The following ARPC5L variants were observed in gnomAD, a reference collection of about 807,000 sequenced individuals.
ARPC5L encodes actin-related protein 2/3 complex subunit 5-like protein.
Under a neutral mutation model 16.9 loss-of-function variants are expected in ARPC5L, and 4 were observed. The observed-to-expected ratio is 0.24, with a 90% CI of 0.12 to 0.54. ARPC5L has a LOEUF of 0.54. Ranked by LOEUF, ARPC5L falls within the 20% of genes least tolerant of loss-of-function variation. The probability of loss-of-function intolerance (pLI) is 0.95; values close to 1 mark genes in which losing one functional copy is unlikely to be tolerated. For synonymous variants in ARPC5L, 78 were observed against 82.6 expected, an observed-to-expected ratio of 0.94 and a Z score of 0.30; for missense variants, 151 against 201.9, an observed-to-expected ratio of 0.75 and a Z score of 1.53.
At chr9:124,863,720 A>G (rs933185596) in intron 1 of ARPC5L, among the ~76,000 whole-genome samples, 9 of 152,252 alleles carry the variant, frequency 5.9e-5, no homozygotes, top group Admixed American at 5.2e-4. Flanking sequence ...GGGAATTCAC[A>G]AGGCAGGGCA....
intron 1 of ARPC5L, among the ~76,000 whole-genome samples, chr9:124,862,961 C>A (rs941428268): frequency 6.6e-5 from 10 of 151,990 alleles, no homozygotes; most frequent in African/African-American, 2.4e-4. Flanking sequence ...AGCCCTCCCA[C>A]CTCAGTCTCC....
intron 2 of ARPC5L, among the ~76,000 whole-genome samples, chr9:124,864,436 A>C (rs1008506558): frequency 6.6e-6 from 1 of 151,858 alleles, no homozygotes; most frequent in Non-Finnish European, 1.5e-5. Context: ...CTCGGCTCTC[A>C]CTGCAACCTC....
intron 2 of ARPC5L, among the ~76,000 whole-genome samples, chr9:124,865,313 T>TC (rs1829253769): frequency 1.8e-5 from 1 of 54,646 alleles, no homozygotes; most frequent in South Asian, 1.1e-3. Context: ...GGAAACTCTG[T>TC]CTAAAAAAAA....
chr9:124,875,447 G>A (rs1829419255), intron 5 of ARPC5L, among the ~76,000 whole-genome samples: 2 of 152,318 alleles, frequency 1.3e-5, no homozygotes, highest in Middle Eastern at 3.4e-3. Flanking sequence ...ATAGTAAGGT[G>A]GTCAGGGAGT....
chr9:124,876,958 A>C lies in ARPC5L; in HGVS notation c.*18A>C. 6.2e-7 allele frequency: 1 copy of C among 1,600,098 alleles called. No individual in the cohort carries two copies. On this transcript the variant is annotated 3_prime_UTR_variant, in exon 6 of 6. Transcript: ENST00000353214. The stretch of plus-strand genomic sequence containing the variant: ...CTGTTTAAAAAAAATAAAAAGACTC[A>C]TGTTACCTTGAGAAGAATTCTGGAT...
intron 3 of ARPC5L, among the ~76,000 whole-genome samples, chr9:124,869,903 C>T (rs1588042834): frequency 6.6e-6 from 1 of 152,206 alleles, no homozygotes; most frequent in Non-Finnish European, 1.5e-5. Flanking sequence ...TCCTCCGGGG[C>T]CCGATTGCTG....
chr9:124,871,265 C>T (rs1334564766), intron 3 of ARPC5L, among the ~76,000 whole-genome samples: 1 of 152,158 alleles, frequency 6.6e-6, no homozygotes, highest in Non-Finnish European at 1.5e-5. Flanking sequence ...TGTGCATCTG[C>T]GCACACCCTG....
rs201296815 is a variant in ARPC5L, at chr9:124,868,172, A to AT, written c.-863-248dup. Among the ~76,000 whole-genome samples, 1,215 of 151,972 alleles carry AT rather than the reference A, an allele frequency of 8.0e-3. 9 individuals are homozygous for AT. The highest frequency in any genetic ancestry group is 0.011 in the Non-Finnish European group (757 of 67,962). ...TAAGGTTGCATCATAGTCTGGCAAT[A>AT]TTTTTTTTATCTTTAGACACAGTTC... On this transcript the variant is annotated intron_variant, in intron 2 of 5. Transcript: ENST00000353214.
intron 4 of ARPC5L, 79 bp from the exon 5 acceptor site, chr9:124,874,896 G>T: frequency 6.4e-7 from 1 of 1,559,754 alleles, no homozygotes; most frequent in African/African-American, 1.4e-5. Flanking sequence ...CTGGTGATCT[G>T]TGTCCTTGCT....
At chr9:124,875,526 G>A (rs1004978696) in intron 5 of ARPC5L, among the ~76,000 whole-genome samples, 1 of 152,184 alleles carries the variant, frequency 6.6e-6, no homozygotes, top group Non-Finnish European at 1.5e-5. Context: ...GGCAGCTGTT[G>A]GGGGTTCTTA....
intron 2 of ARPC5L, among the ~76,000 whole-genome samples, chr9:124,864,539 T>C (rs1161968965): frequency 6.6e-6 from 1 of 152,150 alleles, no homozygotes; most frequent in East Asian, 1.9e-4. Flanking sequence ...TTTTTGTTTT[T>C]TTAGTAGAGA....
At chr9:124,872,367 G>A (rs538790436) in intron 3 of ARPC5L, among the ~76,000 whole-genome samples, 13 of 152,120 alleles carry the variant, frequency 8.5e-5, no homozygotes, top group African/African-American at 2.7e-4. Context: ...AGGCCGAGGC[G>A]GACAGATCAC....
intron 2 of ARPC5L, among the ~76,000 whole-genome samples, chr9:124,866,233 GTC>G (rs1829269116): frequency 6.6e-6 from 1 of 151,770 alleles, no homozygotes; most frequent in African/African-American, 2.4e-5. Flanking sequence ...GTGAAACCCT[GTC>G]TCTACTAAAA....
At chr9:124,875,724 G>A (rs1012124155) in intron 5 of ARPC5L, among the ~76,000 whole-genome samples, 3 of 152,188 alleles carry the variant, frequency 2.0e-5, no homozygotes, top group African/African-American at 2.4e-5. Context: ...AGCCTGTGTC[G>A]TGCCTGTACC....
At chr9:124,868,172 AT>A (rs201296815) in intron 2 of ARPC5L, among the ~76,000 whole-genome samples, 2 of 151,974 alleles carry the variant, frequency 1.3e-5, no homozygotes, top group South Asian at 2.1e-4. Flanking sequence ...GTCTGGCAAT[AT>A]TTTTTTTATC....
At chr9:124,868,384 C>CA (rs1829300909) in intron 2 of ARPC5L, 44 bp from the exon 3 acceptor site, 1 of 152,232 alleles carries the variant, frequency 6.6e-6, no homozygotes, top group Non-Finnish European at 1.5e-5. Context: ...TCTGGCACCT[C>CA]AGAGTCGTCC....
At chr9:124,866,633 G>T (rs1829274092) in intron 2 of ARPC5L, among the ~76,000 whole-genome samples, 1 of 152,038 alleles carries the variant, frequency 6.6e-6, no homozygotes, top group Non-Finnish European at 1.5e-5. Flanking sequence ...AGGCAGAATT[G>T]CTTGAACCCG....
At chr9:124,876,291 A>C (rs2131340180) in intron 5 of ARPC5L, among the ~76,000 whole-genome samples, 1 of 152,228 alleles carries the variant, frequency 6.6e-6, no homozygotes, top group East Asian at 1.9e-4. Flanking sequence ...GCTCAAGACC[A>C]GCCTGGGCAA....
In ARPC5L at chr9:124,868,771, C is replaced by T. The variant is rs1030037685; in HGVS notation, c.-520C>T. ...CAGGAACTCCTACTCATCCCTCAGT[C>T]ATCAGCTCGAAGGTTTCTTCTCCAA... On this transcript the variant is annotated 5_prime_UTR_variant, in exon 3 of 6. Transcript: ENST00000353214. 6.5e-6 allele frequency: 1 copy of T among 152,828 alleles called. No individual in the cohort carries two copies. The highest frequency in any genetic ancestry group is 1.5e-5 in the Non-Finnish European group (1 of 68,370). The allele number at this position is 152,828 out of a possible 1,614,324, so 9.5% of individuals were successfully genotyped here.
Sources: gnomAD v4.1 joint callset for allele counts (sites outside exome capture counted in the v4.1 genomes callset) on GRCh38, gnomAD v4.1.1 for gene constraint, MANE v1.5 for transcripts, NCBI Gene and HGNC (gene_info 2026-07-23, HGNC 2026-07-21) for gene names.